Variants in RALYL observed in about 807,000 individuals in gnomAD.
RALYL encodes the protein RNA-binding Raly-like protein.
RALYL carries 29 observed loss-of-function variants against 35.1 expected under a neutral mutation model. The observed-to-expected ratio is 0.83, with a 90% CI of 0.61 to 1.13. The LOEUF (loss-of-function observed/expected upper bound fraction) is 1.13, where lower values mean the gene tolerates loss of function less well. Ranked by LOEUF, RALYL falls within the 50% of genes most tolerant of loss-of-function variation. RALYL has a pLI of 0.00. For missense variants in RALYL, 359 were observed against 360.4 expected, an observed-to-expected ratio of 1.00 and a Z score of 0.03; for synonymous variants, 120 against 127.6, an observed-to-expected ratio of 0.94 and a Z score of 0.40.
chr8:84,234,953 C>T (rs767728737), intron 1 of RALYL, among the ~76,000 whole-genome samples: 18 of 151,826 alleles, frequency 1.2e-4, no homozygotes, highest in Non-Finnish European at 2.2e-4. Flanking sequence ...TTAGTAGAGA[C>T]GGAGTTTCAC....
intron 2 of RALYL, among the ~76,000 whole-genome samples, chr8:84,756,051 A>AT (rs543178730): frequency 9.2e-5 from 14 of 152,166 alleles, no homozygotes; most frequent in East Asian, 7.7e-4. Flanking sequence ...GGCAACCTAC[A>AT]TTTTTTTGAA....
At chr8:84,890,984 T>A (rs1456938354) in intron 8 of RALYL, among the ~76,000 whole-genome samples, 2 of 151,834 alleles carry the variant, frequency 1.3e-5, no homozygotes, top group African/African-American at 4.8e-5. Flanking sequence ...ACATATACCA[T>A]TAAGGACTAG....
chr8:84,866,089 G>T (rs1839127142), intron 6 of RALYL, among the ~76,000 whole-genome samples: 1 of 152,128 alleles, frequency 6.6e-6, no homozygotes, highest in Admixed American at 6.6e-5. Flanking sequence ...TTCTGCTTTA[G>T]AGATTTTTAA....
In RALYL at chr8:84,921,838, A is replaced by G. The variant is rs1849339899; in HGVS notation, c.*927A>G. 6.6e-6 allele frequency: 1 copy of G among 152,178 alleles called. No individual in the cohort carries two copies. The highest frequency in any genetic ancestry group is 1.5e-5 in the Non-Finnish European group (1 of 68,020). 9.4% of individuals were successfully genotyped at this position (152,178 alleles called of 1,614,324 possible). ...TTCTTAATAAATACTGTTTCTTTTAAAACAAAGTTGGTGTGTATCTTTCAT... is the reference window on the plus strand; with the variant it reads ...TTCTTAATAAATACTGTTTCTTTTAGAACAAAGTTGGTGTGTATCTTTCAT... On this transcript the variant is annotated 3_prime_UTR_variant, in exon 9 of 9. Transcript: ENST00000521268.
intron 1 of RALYL, among the ~76,000 whole-genome samples, chr8:84,243,531 T>C (rs1302989507): frequency 6.9e-6 from 1 of 144,990 alleles, no homozygotes; most frequent in Non-Finnish European, 1.5e-5. Context: ...TTGAGGTCTA[T>C]CAGTCAGCTT....
rs150194456 is a variant in RALYL at position 84,614,135 on chromosome 8, T to G, written c.256+84558T>G. Among the ~76,000 whole-genome samples the G allele has an allele frequency of 5.6e-3, 854 of 151,674 alleles. 10 individuals carry two copies. The highest frequency in any genetic ancestry group is 8.6e-3 in the Non-Finnish European group (584 of 67,926). On this transcript the variant is annotated intron_variant, in intron 2 of 8. Coordinates refer to ENST00000521268, the MANE Select transcript of RALYL (RefSeq NM_173848.7). ...AAAGATTAGTGTTTGTTAGCATCAA[T>G]TTTCAAAGATAATTAGTTGAAGCAT...
At chr8:84,787,644 T>G (rs1391393752) in intron 3 of RALYL, among the ~76,000 whole-genome samples, 1 of 152,196 alleles carries the variant, frequency 6.6e-6, no homozygotes, top group East Asian at 1.9e-4. Context: ...ACCAACAGTG[T>G]AAAAGTGTTT....
At chr8:84,883,081 A>G (rs185459485) in intron 7 of RALYL, among the ~76,000 whole-genome samples, 22 of 152,114 alleles carry the variant, frequency 1.4e-4, no homozygotes, top group African/African-American at 5.1e-4. Context: ...ACCTATTACT[A>G]ACACACAGGC....
intron 1 of RALYL, among the ~76,000 whole-genome samples, chr8:84,463,170 T>G (rs963306844): frequency 2.0e-5 from 3 of 151,986 alleles, no homozygotes; most frequent in Admixed American, 2.0e-4. Flanking sequence ...ATTGATATAC[T>G]TGTATCTGGG....
intron 2 of RALYL, among the ~76,000 whole-genome samples, chr8:84,625,320 C>T (rs555181126): frequency 3.0e-4 from 45 of 152,198 alleles, no homozygotes; most frequent in Non-Finnish European, 2.5e-4. Context: ...AAAATAGCTT[C>T]GGGCAGAAGT....
chr8:84,515,569 C>A lies in RALYL; in HGVS notation c.-23-13730C>A, dbSNP rs898076633. ...TGATTCTCAAAATTGTGCTCCTGCT[C>A]TTTCCAGAAATGTGATAATATCTTC... On this transcript the variant is annotated intron_variant, in intron 1 of 8. Coordinates refer to ENST00000521268, the MANE Select transcript of RALYL (RefSeq NM_173848.7). Among the ~76,000 whole-genome samples the A allele has an allele frequency of 2.6e-5, 4 of 152,142 alleles. No homozygotes were observed. The South Asian group carries it at 8.3e-4, about 32-fold the overall frequency.
At chr8:84,502,525 A>G (rs919569072) in intron 1 of RALYL, among the ~76,000 whole-genome samples, 2 of 152,132 alleles carry the variant, frequency 1.3e-5, no homozygotes, top group African/African-American at 2.4e-5. Flanking sequence ...AATGCTTGTG[A>G]TAGGAGATAA....
chr8:84,390,013 G>A (rs1238680791), intron 1 of RALYL, among the ~76,000 whole-genome samples: 10 of 152,098 alleles, frequency 6.6e-5, no homozygotes, highest in South Asian at 2.1e-4. Flanking sequence ...TTTGAGATAC[G>A]TCCCATCAAT....
chr8:84,714,384 G>A (rs1401556084), intron 2 of RALYL, among the ~76,000 whole-genome samples: 2 of 151,748 alleles, frequency 1.3e-5, no homozygotes, highest in African/African-American at 4.8e-5. Flanking sequence ...CTTGAACATT[G>A]CTAAGGGAGT....
chr8:84,672,568 T>G (rs1460512363), intron 2 of RALYL, among the ~76,000 whole-genome samples: 2 of 152,164 alleles, frequency 1.3e-5, no homozygotes, highest in Non-Finnish European at 2.9e-5. Flanking sequence ...CAAGACTGGG[T>G]AATTTATAAA....
intron 1 of RALYL, among the ~76,000 whole-genome samples, chr8:84,464,150 T>TC (rs991756078): frequency 1.3e-5 from 2 of 151,618 alleles, no homozygotes; most frequent in African/African-American, 4.8e-5. Context: ...TTGTTTTTTT[T>TC]TTTATTATAC....
chr8:84,425,324 C>A (rs540358095), intron 1 of RALYL, among the ~76,000 whole-genome samples: 14 of 152,030 alleles, frequency 9.2e-5, no homozygotes, highest in East Asian at 1.9e-4. Context: ...CAGGTGCGTC[C>A]GTCACCCCTT....
chr8:84,739,470 T>C (rs1177901386), intron 2 of RALYL, among the ~76,000 whole-genome samples: 1 of 151,924 alleles, frequency 6.6e-6, no homozygotes, highest in Non-Finnish European at 1.5e-5. Context: ...ATTAGAATTG[T>C]TCAAGGATAA....
chr8:84,433,552 G>A (rs2047367875), intron 1 of RALYL, among the ~76,000 whole-genome samples: 1 of 151,974 alleles, frequency 6.6e-6, no homozygotes, highest in South Asian at 2.1e-4. Context: ...CATGGGGGCT[G>A]GTCTTTCCTG....
Sources: gnomAD v4.1 joint callset for allele counts (sites outside exome capture counted in the v4.1 genomes callset) on GRCh38, gnomAD v4.1.1 for gene constraint, MANE v1.5 for transcripts, NCBI Gene and HGNC (gene_info 2026-07-23, HGNC 2026-07-21) for gene names.